The following SLC24A2 variants were observed in gnomAD, a reference collection of about 807,000 sequenced individuals.
SLC24A2 encodes sodium/potassium/calcium exchanger 2.
SLC24A2 carries 36 observed loss-of-function variants against 62.0 expected under a neutral mutation model. The observed-to-expected ratio is 0.58, with a 90% CI of 0.44 to 0.77. SLC24A2 has a LOEUF of 0.77. Ranked by LOEUF, SLC24A2 falls within the 30% of genes least tolerant of loss-of-function variation. SLC24A2 has a pLI of 0.00. For missense variants in SLC24A2, 846 were observed against 817.9 expected, an observed-to-expected ratio of 1.03 and a Z score of -0.42; for synonymous variants, 358 against 294.0, an observed-to-expected ratio of 1.22 and a Z score of -2.23.
At chr9:19,703,487 T>C (rs771527361) in intron 2 of SLC24A2, among the ~76,000 whole-genome samples, 4 of 152,186 alleles carry the variant, frequency 2.6e-5, no homozygotes, top group African/African-American at 4.8e-5. Flanking sequence ...AAGTCATATA[T>C]TTAAGTTGTA....
Position 19,550,247 on chromosome 9 carries a change from G to C in SLC24A2, c.1369C>G (p.Gln457Glu). ...EAQTADEEED[Q>E]PLSLAWPSET... ...GAAGGCCAGGCAAGGCTGAGAGGCT[G>C]GTCCTCCTCCTCATCAGCGGTCTGT... is the stretch of plus-strand genomic sequence containing the variant. Residue 457 changes from glutamine to glutamate, a missense_variant, in exon 8 of 11, where the codon CAG becomes GAG. Gln to Glu is a conservative substitution (Grantham distance 29, BLOSUM62 2). Coordinates refer to ENST00000341998, the MANE Select transcript of SLC24A2 (RefSeq NM_020344.4). 6.2e-6 allele frequency: 10 copies of C among 1,614,082 alleles called. No homozygotes were observed. Among genetic ancestry groups the C allele is most frequent in the Non-Finnish European group, 8.5e-6 (10 of 1,180,000 alleles).
At chr9:19,832,059 T>C in the SLC24A2 span, among the ~76,000 whole-genome samples, 1 of 152,234 alleles carries the variant, frequency 6.6e-6, no homozygotes, top group Non-Finnish European at 1.5e-5. Flanking sequence ...TTAGATCACA[T>C]CTTTGCCTGT....
chr9:19,997,264 G>A, the SLC24A2 span, among the ~76,000 whole-genome samples: 1 of 152,106 alleles, frequency 6.6e-6, no homozygotes, highest in Non-Finnish European at 1.5e-5. Flanking sequence ...AACCAGCAAA[G>A]CAGGGGCACA....
chr9:19,551,762 G>C (rs1303740562), intron 7 of SLC24A2, among the ~76,000 whole-genome samples: 6 of 152,202 alleles, frequency 3.9e-5, no homozygotes, highest in African/African-American at 1.2e-4. Flanking sequence ...AGGGCTGGGT[G>C]AGAGGCCGGG....
chr9:19,775,961 A>G (rs1822833085), intron 2 of SLC24A2, among the ~76,000 whole-genome samples: 1 of 152,386 alleles, frequency 6.6e-6, no homozygotes, highest in South Asian at 2.1e-4. Context: ...TTGGTGGTCC[A>G]TGAAATTATT....
At chr9:20,295,805 C>T in the SLC24A2 span, among the ~76,000 whole-genome samples, 11 of 152,310 alleles carry the variant, frequency 7.2e-5, no homozygotes, top group Non-Finnish European at 1.0e-4. Flanking sequence ...CAGAGCCACA[C>T]TGCCAGCATC....
chr9:19,707,747 A>T (rs145102899), intron 2 of SLC24A2, among the ~76,000 whole-genome samples: 23,339 of 152,158 alleles, frequency 0.15, 2,051 homozygotes, highest in Middle Eastern at 0.22. Flanking sequence ...TATTGATGGG[A>T]TGTATCTCAA....
At chr9:20,017,043 G>A in the SLC24A2 span, among the ~76,000 whole-genome samples, 1 of 151,884 alleles carries the variant, frequency 6.6e-6, no homozygotes, top group South Asian at 2.1e-4. Context: ...ATTTTTTTGA[G>A]ACAGAGTCTC....
chr9:20,194,243 A>G, the SLC24A2 span, among the ~76,000 whole-genome samples: 16,422 of 152,190 alleles, frequency 0.11, 1,081 homozygotes, highest in Middle Eastern at 0.21. Context: ...CTGATTACCT[A>G]TAAGTCTTAG....
At chr9:20,125,869 A>G in the SLC24A2 span, among the ~76,000 whole-genome samples, 2 of 152,158 alleles carry the variant, frequency 1.3e-5, no homozygotes, top group East Asian at 3.8e-4. Context: ...GCTGAGTTCA[A>G]TTACTCACAA....
chr9:20,256,746 T>C, the SLC24A2 span, among the ~76,000 whole-genome samples: 1 of 152,152 alleles, frequency 6.6e-6, no homozygotes, highest in Non-Finnish European at 1.5e-5. Context: ...AGATGATTCA[T>C]CTACCATACC....
chr9:20,056,280 T>C, the SLC24A2 span, among the ~76,000 whole-genome samples: 2 of 152,190 alleles, frequency 1.3e-5, no homozygotes, highest in Non-Finnish European at 2.9e-5. Context: ...AGAAGACTAT[T>C]ATAAATAAGA....
chr9:19,674,621 G>T (rs993908021), intron 2 of SLC24A2, among the ~76,000 whole-genome samples: 3 of 152,070 alleles, frequency 2.0e-5, no homozygotes, highest in Non-Finnish European at 4.4e-5. Flanking sequence ...TTGTCTTTGA[G>T]TTCTGAAGTT....
At chr9:20,014,532 T>A in the SLC24A2 span, among the ~76,000 whole-genome samples, 1 of 144,512 alleles carries the variant, frequency 6.9e-6, no homozygotes, top group African/African-American at 2.6e-5. Flanking sequence ...ACACACACAA[T>A]GGAATACTAT....
At chr9:19,520,746 G>T (rs1244284517) in intron 10 of SLC24A2, 148 bp downstream of exon 10, 1 of 754,058 alleles carries the variant, frequency 1.3e-6, no homozygotes, top group East Asian at 2.6e-5. Context: ...ATAGAATTGG[G>T]GAAATGCAAT....
At chr9:19,684,955 C>A (rs775998907) in intron 2 of SLC24A2, among the ~76,000 whole-genome samples, 31 of 151,964 alleles carry the variant, frequency 2.0e-4, no homozygotes, top group Non-Finnish European at 3.4e-4. Context: ...AAAACAACAC[C>A]CTCTCTCCAA....
the SLC24A2 span, among the ~76,000 whole-genome samples, chr9:20,156,747 T>C: frequency 6.6e-6 from 1 of 151,794 alleles, no homozygotes; most frequent in African/African-American, 2.4e-5. Context: ...CTAGAGTTTA[T>C]CTGTGTATTA....
chr9:20,028,602 G>A, the SLC24A2 span, among the ~76,000 whole-genome samples: 449 of 152,042 alleles, frequency 3.0e-3, 5 homozygotes, highest in Middle Eastern at 6.8e-3. Flanking sequence ...CACTTCTTCC[G>A]CCTTCCATAG....
chr9:20,212,336 G>C, the SLC24A2 span, among the ~76,000 whole-genome samples: 2 of 151,594 alleles, frequency 1.3e-5, no homozygotes, highest in African/African-American at 4.9e-5. Context: ...TTTAAAATCC[G>C]AGATGAAAGT....
Sources: gnomAD v4.1 joint callset for allele counts (sites outside exome capture counted in the v4.1 genomes callset) on GRCh38, gnomAD v4.1.1 for gene constraint, MANE v1.5 for transcripts, NCBI Gene and HGNC (gene_info 2026-07-23, HGNC 2026-07-21) for gene names.